PROS1: variants seen among roughly 807,000 people sequenced by gnomAD.
The protein encoded by PROS1 is vitamin K-dependent protein S.
A neutral mutation model predicts 75.9 loss-of-function variants in PROS1; 29 were observed. The ratio of observed to expected loss-of-function variants is 0.38; its 90% CI spans 0.28 to 0.52. PROS1 has a LOEUF of 0.52. Ranked by LOEUF, PROS1 falls within the 20% of genes least tolerant of loss-of-function variation. PROS1 has a pLI of 0.83. For synonymous variants in PROS1, 245 were observed against 280.6 expected (o/e 0.87, Z 1.27); for missense variants, 680 against 810.3 (o/e 0.84, Z 1.95).
chr3:93,967,739 C>A (rs1709812516), intron 1 of PROS1, among the ~76,000 whole-genome samples: 1 of 151,904 alleles, frequency 6.6e-6, no homozygotes, highest in Non-Finnish European at 1.5e-5. Flanking sequence ...TCAAAAAGAA[C>A]ATTAGTTGGT....
rs1179639724 is a variant in PROS1 at position 93,876,967 on chromosome 3, T to C, written c.1869A>G (p.Pro623=). ...AKVATYLGGL[P]DVPFSATPVN... Reference sequence around the variant, plus strand: ...ACTGAAGAAAAAGTAAGCAGATACCTGGAAGGCCACCCAGGTATGTGGCCA... The same window carrying C: ...ACTGAAGAAAAAGTAAGCAGATACCCGGAAGGCCACCCAGGTATGTGGCCA... Residue 623 remains proline, a splice_region_variant and synonymous_variant, in exon 14 of 15, where the codon CCA becomes CCG. Transcript: ENST00000394236. 9.4e-6 allele frequency: 15 copies of C among 1,594,008 alleles called. No individual in the cohort carries two copies. The highest frequency in any genetic ancestry group is 1.3e-5 in the Non-Finnish European group (15 of 1,162,796).
rs765763193 is a variant in PROS1, at chr3:93,896,649, C to A, written c.892G>T (p.Glu298Ter). 1 of 1,613,628 alleles carries A rather than the reference C, an allele frequency of 6.2e-7. No individual in the cohort carries two copies. The change falls in exon 9 of 15, where the codon GAA (glutamate) becomes TAA (stop). Residue 298 changes from glutamate to a stop codon, truncating the protein, a stop_gained. Coordinates refer to ENST00000394236, the MANE Select transcript of PROS1 (RefSeq NM_000313.4). LOFTEE classifies it high-confidence loss of function. ...CLPLNLDTKY[E>*]LLYLAEQFAG... ...AACTGCTCCGCCAAGTAAAGTAATTCATACTTTGTGTCAAGGTTCAAGGGA... is the reference window on the plus strand; with the variant it reads ...AACTGCTCCGCCAAGTAAAGTAATTAATACTTTGTGTCAAGGTTCAAGGGA...
intron 3 of PROS1, among the ~76,000 whole-genome samples, chr3:93,914,252 G>A (rs1323737556): frequency 1.3e-5 from 2 of 152,228 alleles, no homozygotes; most frequent in Admixed American, 6.5e-5. Context: ...TAGTGGCTCT[G>A]CTGCTGTAAC....
At chr3:93,956,371 C>A (rs6764203) in intron 1 of PROS1, among the ~76,000 whole-genome samples, 1 of 151,864 alleles carries the variant, frequency 6.6e-6, no homozygotes, top group Non-Finnish European at 1.5e-5. Flanking sequence ...ATGGCTCATG[C>A]CTGTAGTCCC....
intron 12 of PROS1, among the ~76,000 whole-genome samples, chr3:93,880,937 T>C (rs191742210): frequency 1.8e-4 from 28 of 152,138 alleles, no homozygotes; most frequent in Non-Finnish European, 2.5e-4. Flanking sequence ...TTTATAACTT[T>C]AAAAAAATCT....
chr3:93,965,958 G>A (rs1196568999), intron 1 of PROS1, among the ~76,000 whole-genome samples: 1 of 152,120 alleles, frequency 6.6e-6, no homozygotes, highest in East Asian at 1.9e-4. Context: ...GCCTCCCAAA[G>A]TGCTAAAGAC....
chr3:93,906,250 A>AT, intron 4 of PROS1, 107 bp from the exon 5 acceptor site: 1 of 1,185,112 alleles, frequency 8.4e-7, no homozygotes, highest in Non-Finnish European at 1.2e-6. Context: ...TGAAAAAAAA[A>AT]CACACAACTC....
intron 3 of PROS1, among the ~76,000 whole-genome samples, chr3:93,922,486 G>A (rs1014866656): frequency 6.6e-6 from 1 of 152,072 alleles, no homozygotes; most frequent in Non-Finnish European, 1.5e-5. Context: ...TTTCCAAATC[G>A]CATGTTTTCA....
intron 4 of PROS1, among the ~76,000 whole-genome samples, chr3:93,907,224 T>C (rs1416914814): frequency 7.2e-5 from 11 of 152,072 alleles, no homozygotes; most frequent in Non-Finnish European, 1.6e-4. Context: ...CTGAAGACCA[T>C]AAAAACCCCA....
At chr3:93,924,328 A>T (rs1708986307) in intron 2 of PROS1, 64 bp from the exon 3 acceptor site, 1 of 974,290 alleles carries the variant, frequency 1.0e-6, no homozygotes, top group Non-Finnish European at 1.4e-6. Flanking sequence ...GTTAAAACTT[A>T]ATTTTATAAT....
chr3:93,960,882 T>C (rs1576218500), intron 1 of PROS1, among the ~76,000 whole-genome samples: 1 of 150,256 alleles, frequency 6.7e-6, no homozygotes, highest in Non-Finnish European at 1.5e-5. Context: ...ATAGATAAAA[T>C]AGAGTTGTTC....
chr3:93,946,144 T>A (rs936587895), intron 1 of PROS1, among the ~76,000 whole-genome samples: 1 of 152,140 alleles, frequency 6.6e-6, no homozygotes, highest in Admixed American at 6.5e-5. Flanking sequence ...CACTCCTCAA[T>A]GAAATAAAAG....
intron 13 of PROS1, among the ~76,000 whole-genome samples, chr3:93,877,974 C>T (rs1021997091): frequency 6.6e-6 from 1 of 152,112 alleles, no homozygotes; most frequent in Non-Finnish European, 1.5e-5. Flanking sequence ...ATGTCCGTAT[C>T]CTTAAACTCA....
At chr3:93,928,016 T>A (rs1187714643) in intron 1 of PROS1, among the ~76,000 whole-genome samples, 23 of 112,578 alleles carry the variant, frequency 2.0e-4, no homozygotes, top group East Asian at 7.8e-4. Flanking sequence ...TATATATTTT[T>A]TTTTTTTTTT....
intron 12 of PROS1, 94 bp from the exon 13 acceptor site, chr3:93,879,408 C>A: frequency 6.8e-7 from 1 of 1,470,024 alleles, no homozygotes; most frequent in Non-Finnish European, 9.5e-7. Context: ...ATATTCAAAA[C>A]TATCTTGTGT....
intron 1 of PROS1, among the ~76,000 whole-genome samples, chr3:93,962,862 G>T (rs1202574588): frequency 2.6e-5 from 4 of 152,114 alleles, no homozygotes; most frequent in African/African-American, 7.2e-5. Flanking sequence ...AATAAATTTT[G>T]GTAGATGTCT....
chr3:93,973,707 GAC>G lies in PROS1; in HGVS notation c.41_42del (p.Cys14SerfsTer24), dbSNP rs761068042. On this transcript the variant is annotated frameshift_variant, in exon 1 of 15. Transcript: ENST00000394236. LOFTEE classifies it high-confidence loss of function. ...TCTGAGACGGGAAGCACTAGGAGGAGACACGCCAGCAGCGCCCCGCAGCGCCC... is the reference window on the plus strand; with the variant it reads ...TCTGAGACGGGAAGCACTAGGAGGAGACGCCAGCAGCGCCCCGCAGCGCCC... ...LGGRCGALLA[C>X]LLLVLPVSEA... The G allele has an allele frequency of 6.2e-7, 1 of 1,614,000 alleles. No homozygotes were observed.
chr3:93,925,575 C>T (rs1346686067), intron 2 of PROS1, among the ~76,000 whole-genome samples: 16 of 152,056 alleles, frequency 1.1e-4, no homozygotes, highest in Admixed American at 3.3e-4. Context: ...ACTGTGGTCA[C>T]ACGTGTAATC....
chr3:93,896,194 A>G (rs1280743932), intron 9 of PROS1, among the ~76,000 whole-genome samples: 2 of 152,214 alleles, frequency 1.3e-5, no homozygotes, highest in Non-Finnish European at 2.9e-5. Flanking sequence ...ATATAATGAT[A>G]TTCTAAAAGC....
Sources: gnomAD v4.1 joint callset for allele counts (sites outside exome capture counted in the v4.1 genomes callset) on GRCh38, gnomAD v4.1.1 for gene constraint, MANE v1.5 for transcripts, NCBI Gene and HGNC (gene_info 2026-07-23, HGNC 2026-07-21) for gene names.